The following MPP7 variants were observed in gnomAD, a reference collection of about 807,000 sequenced individuals.
The protein encoded by MPP7 is MAGUK p55 scaffold protein 7, also known as MAGUK p55 subfamily member 7.
MPP7 carries 60 observed loss-of-function variants against 76.5 expected under a neutral mutation model. That is an observed-to-expected ratio of 0.78 (90% CI 0.64 to 0.97). The LOEUF is 0.97. Among genes scored for constraint, MPP7 ranks in the 50% least tolerant of loss-of-function variants. The pLI is 0.00. For synonymous variants in MPP7, 237 were observed against 244.5 expected (o/e 0.97, Z 0.29); for missense variants, 641 against 694.0 (o/e 0.92, Z 0.86).
At chr10:28,193,803 A>C (rs903685220) in intron 3 of MPP7, among the ~76,000 whole-genome samples, 3 of 152,116 alleles carry the variant, frequency 2.0e-5, no homozygotes, top group Non-Finnish European at 4.4e-5. Flanking sequence ...AAACGTGTGA[A>C]GATATGCTTA....
chr10:28,311,515 C>G (rs1350104388), intron 2 of MPP7, among the ~76,000 whole-genome samples: 1 of 152,122 alleles, frequency 6.6e-6, no homozygotes. Flanking sequence ...CCTGAGGAGC[C>G]TCTGCCTGTT....
chr10:28,223,313 A>C (rs911140232), intron 2 of MPP7, among the ~76,000 whole-genome samples: 1 of 152,188 alleles, frequency 6.6e-6, no homozygotes, highest in Admixed American at 6.5e-5. Context: ...TCTTCTGAGG[A>C]AACAGTGCAA....
Position 28,239,312 on chromosome 10 carries a change from AT to A in MPP7, c.-131-578del, listed in dbSNP as rs992601040. 2.1e-3 allele frequency among the ~76,000 whole-genome samples: 299 copies of A among 143,942 alleles called. 1 individual carries two copies. The highest frequency in any genetic ancestry group is 2.0e-3 in the Non-Finnish European group (130 of 65,108). 94.4% of individuals were successfully genotyped at this position (143,942 alleles called of 152,430 possible). On this transcript the variant is annotated intron_variant, in intron 1 of 16. Transcript: ENST00000683449. ...AGGGGCCCGCCACCAAGCCTGGCTA[AT>A]TTTTTTTTTTTTAATAGAGACGGGG...
chr10:28,107,235 T>C (rs1340626995), intron 11 of MPP7, among the ~76,000 whole-genome samples: 1 of 152,158 alleles, frequency 6.6e-6, no homozygotes, highest in African/African-American at 2.4e-5. Context: ...GAATTACAGC[T>C]AACCCTTGGT....
chr10:28,058,197 T>C (rs1382343437), intron 15 of MPP7, among the ~76,000 whole-genome samples: 1 of 152,236 alleles, frequency 6.6e-6, no homozygotes, highest in African/African-American at 2.4e-5. Flanking sequence ...TTTTTAAAAA[T>C]ACAGAATATG....
At chr10:28,116,313 G>C (rs984147156) in intron 11 of MPP7, among the ~76,000 whole-genome samples, 3 of 152,050 alleles carry the variant, frequency 2.0e-5, no homozygotes, top group Non-Finnish European at 4.4e-5. Context: ...GGTAGTACAT[G>C]CAACCAAACT....
intron 2 of MPP7, among the ~76,000 whole-genome samples, chr10:28,309,755 C>T (rs1043338805): frequency 6.6e-6 from 1 of 152,104 alleles, no homozygotes; most frequent in Non-Finnish European, 1.5e-5. Context: ...GCGGATCCCT[C>T]GTGGCTTGGT....
At chr10:28,073,631 A>G (rs1300132685) in intron 12 of MPP7, among the ~76,000 whole-genome samples, 2 of 152,068 alleles carry the variant, frequency 1.3e-5, no homozygotes, top group Non-Finnish European at 1.5e-5. Context: ...TTAGCTGGGC[A>G]TGGTGGCGGG....
chr10:28,223,240 C>G (rs1370227396), intron 2 of MPP7, among the ~76,000 whole-genome samples: 1 of 152,112 alleles, frequency 6.6e-6, no homozygotes, highest in Non-Finnish European at 1.5e-5. Context: ...AGCATTTTCT[C>G]CTGAGCAAGA....
chr10:28,294,960 T>TA (rs1841005583), intron 1 of MPP7, among the ~76,000 whole-genome samples: 1 of 151,312 alleles, frequency 6.6e-6, no homozygotes, highest in Non-Finnish European at 1.5e-5. Flanking sequence ...CCACTACACT[T>TA]ACGTTTCCCC....
At position 28,181,382 on chromosome 10, in the gene MPP7, A is replaced by T. The variant is rs115616392; in HGVS notation, c.156+20771T>A. Among the ~76,000 whole-genome samples the T allele has an allele frequency of 4.2e-3, 633 of 152,356 alleles. 4 individuals carry two copies. Among genetic ancestry groups the T allele is most frequent in the African/African-American group, 0.014 (593 of 41,576 alleles). On this transcript the variant is annotated intron_variant, in intron 3 of 16. Coordinates refer to ENST00000683449, the MANE Select transcript of MPP7 (RefSeq NM_001318170.2). ...ATAAACTTCATTTTAAACCAGGTGGATAAAAATATCTTTCTTTATTAACTA... is the reference window on the plus strand; with the variant it reads ...ATAAACTTCATTTTAAACCAGGTGGTTAAAAATATCTTTCTTTATTAACTA...
chr10:28,166,291 C>T (rs1173293189), intron 3 of MPP7, among the ~76,000 whole-genome samples: 1 of 151,892 alleles, frequency 6.6e-6, no homozygotes, highest in Non-Finnish European at 1.5e-5. Context: ...ACAAACCATC[C>T]ACTAGAATAG....
At chr10:28,183,808 TA>T (rs1388721123) in intron 3 of MPP7, among the ~76,000 whole-genome samples, 2 of 152,034 alleles carry the variant, frequency 1.3e-5, no homozygotes, top group Non-Finnish European at 2.9e-5. Context: ...ACAAGTTTGT[TA>T]AGACAAGAAA....
Position 28,309,413 on chromosome 10 carries a change from CA to C in MPP7, c.-132+20515del, listed in dbSNP as rs3064166. ...TGGGCAACAGAGTGAGACTCCATCT[CA>C]AAAAAAAAAAAAAATGCTACTCACA... On this transcript the variant is annotated intron_variant, in intron 2 of 11. Coordinates refer to the MPP7 transcript ENST00000441595. Among the ~76,000 whole-genome samples the C allele has an allele frequency of 4.2e-3, 544 of 131,062 alleles. 1 individual carries two copies. Among genetic ancestry groups the C allele is most frequent in the Middle Eastern group, 8.5e-3 (2 of 236 alleles). 86.0% of individuals were successfully genotyped at this position (131,062 alleles called of 152,430 possible).
chr10:28,163,636 A>T (rs1836339754), intron 3 of MPP7, among the ~76,000 whole-genome samples: 1 of 152,134 alleles, frequency 6.6e-6, no homozygotes, highest in African/African-American at 2.4e-5. Flanking sequence ...TAGTGGGAGA[A>T]AGAAGTGTCT....
chr10:28,119,769 A>T, intron 10 of MPP7, 54 bp from the exon 11 acceptor site: 25 of 1,363,054 alleles, frequency 1.8e-5, no homozygotes, highest in Non-Finnish European at 2.6e-5. Context: ...GTCCGAGGTG[A>T]ATACAATATC....
chr10:28,220,743 G>C (rs981212445), intron 2 of MPP7, among the ~76,000 whole-genome samples: 1 of 152,166 alleles, frequency 6.6e-6, no homozygotes, highest in African/African-American at 2.4e-5. Flanking sequence ...AGTAGAAAGA[G>C]AGGTAGGCTT....
chr10:28,077,502 T>C (rs147540287), intron 12 of MPP7, among the ~76,000 whole-genome samples: 516 of 152,280 alleles, frequency 3.4e-3, no homozygotes, highest in African/African-American at 0.011. Context: ...AGTCTCCCCT[T>C]GACTTTAAAA....
At position 28,320,891 on chromosome 10, in the gene MPP7, T is replaced by A. The variant is rs553731573; in HGVS notation, c.-132+9038A>T. Among the ~76,000 whole-genome samples, 95 of 152,058 alleles carry A rather than the reference T, an allele frequency of 6.2e-4. 1 individual carries two copies. Among genetic ancestry groups the A allele is most frequent in the Non-Finnish European group, 1.1e-3 (72 of 67,984 alleles). On this transcript the variant is annotated intron_variant, in intron 2 of 11. Coordinates refer to the MPP7 transcript ENST00000441595. ...AAAAGGCAGCACTGGTAATAGCCCC[T>A]GACGAGGTTCATCTTCTTAACTGTA... is the stretch of plus-strand genomic sequence containing the variant.
Sources: allele counts gnomAD v4.1 joint callset (sites outside exome capture counted in the v4.1 genomes callset), GRCh38; gene constraint gnomAD v4.1.1; transcripts MANE v1.5; gene names NCBI Gene and HGNC (gene_info 2026-07-23, HGNC 2026-07-21).